The following ERBB4 variants were observed in gnomAD, a reference collection of about 807,000 sequenced individuals.
The protein encoded by ERBB4 is erb-b2 receptor tyrosine kinase 4.
ERBB4 carries 42 observed loss-of-function variants against 158.0 expected under a neutral mutation model. The ratio of observed to expected loss-of-function variants is 0.27; its 90% CI spans 0.21 to 0.34. The LOEUF (loss-of-function observed/expected upper bound fraction) is 0.34, where lower values mean the gene tolerates loss of function less well. Among genes scored for constraint, ERBB4 ranks in the 10% least tolerant of loss-of-function variants. The probability of loss-of-function intolerance (pLI) is 1.00; values close to 1 mark genes in which losing one functional copy is unlikely to be tolerated. For synonymous variants in ERBB4, 583 were observed against 558.7 expected, an observed-to-expected ratio of 1.04 and a Z score of -0.61; for missense variants, 1,333 against 1,624.1, an observed-to-expected ratio of 0.82 and a Z score of 3.08.
intron 1 of ERBB4, among the ~76,000 whole-genome samples, chr2:212,488,324 T>C (rs1476117949): frequency 8.7e-6 from 1 of 115,344 alleles, no homozygotes; most frequent in African/African-American, 4.1e-5. Context: ...CGCTCCTCTC[T>C]CTCTCTCTCT....
At chr2:212,418,452 A>G (rs940920553) in intron 1 of ERBB4, among the ~76,000 whole-genome samples, 1 of 151,554 alleles carries the variant, frequency 6.6e-6, no homozygotes, top group Non-Finnish European at 1.5e-5. Context: ...TCCACCTGCT[A>G]AGAGTCTAAA....
chr2:211,386,323 C>A (rs1424363535), intron 27 of ERBB4, among the ~76,000 whole-genome samples: 3 of 152,134 alleles, frequency 2.0e-5, no homozygotes, highest in East Asian at 1.9e-4. Context: ...CAGGGTCAAA[C>A]CTTTAATTTT....
chr2:211,464,928 C>G (rs776301615), intron 20 of ERBB4, among the ~76,000 whole-genome samples: 1 of 150,652 alleles, frequency 6.6e-6, no homozygotes, highest in African/African-American at 2.4e-5. Context: ...TAATGAGAGG[C>G]ATACAGGATA....
At chr2:211,823,988 G>A (rs1016920854) in intron 3 of ERBB4, among the ~76,000 whole-genome samples, 8 of 151,874 alleles carry the variant, frequency 5.3e-5, no homozygotes, top group East Asian at 1.9e-4. Context: ...AAATTATTAC[G>A]ACCAAGACCA....
chr2:211,987,330 C>CAAAAAAA (rs564412801), intron 2 of ERBB4, among the ~76,000 whole-genome samples: 18,412 of 55,162 alleles, frequency 0.33, 2,426 homozygotes, highest in East Asian at 0.6. Flanking sequence ...CAAGAAAAGA[C>CAAAAAAA]AAAAAAAAAA....
intron 17 of ERBB4, among the ~76,000 whole-genome samples, chr2:211,626,952 A>AT (rs2125864688): frequency 3.0e-5 from 1 of 33,202 alleles, no homozygotes; most frequent in African/African-American, 7.6e-5. Flanking sequence ...ATAAATAAAA[A>AT]AAATAAAAAA....
intron 1 of ERBB4, among the ~76,000 whole-genome samples, chr2:212,185,188 G>C (rs1197645457): frequency 6.6e-6 from 1 of 151,442 alleles, no homozygotes; most frequent in African/African-American, 2.4e-5. Context: ...ATTCAGCTAA[G>C]TTTTTGTATT....
At chr2:211,930,987 C>T (rs538830859) in intron 3 of ERBB4, among the ~76,000 whole-genome samples, 2 of 152,188 alleles carry the variant, frequency 1.3e-5, no homozygotes, top group East Asian at 3.9e-4. Flanking sequence ...TAGCTCTACT[C>T]AGCAGGGACA....
intron 1 of ERBB4, among the ~76,000 whole-genome samples, chr2:212,205,361 T>C (rs2082715545): frequency 6.6e-6 from 1 of 152,180 alleles, no homozygotes; most frequent in East Asian, 1.9e-4. Context: ...GGTTTCACCA[T>C]GTTGGCCCCA....
chr2:211,589,483 A>G (rs2068394823), intron 19 of ERBB4, among the ~76,000 whole-genome samples: 1 of 152,186 alleles, frequency 6.6e-6, no homozygotes, highest in Admixed American at 6.5e-5. Flanking sequence ...GTTCAAAACA[A>G]ATTTGTAGCC....
rs148109215 is a variant in ERBB4, at chr2:212,387,018, T to A, written c.82+151431A>T. Among the ~76,000 whole-genome samples, 25 of 152,214 alleles carry A rather than the reference T, an allele frequency of 1.6e-4. 1 individual carries two copies. In the East Asian group the frequency reaches 4.8e-3, roughly 29 times the overall value. On this transcript the variant is annotated intron_variant, in intron 1 of 27. Transcript: ENST00000342788. ...GAATGAATGAAGCTGATCCCTCATT[T>A]TGGAAGAAAGTGGGGTATTTTAACC...
chr2:212,376,477 A>AAGCTCTCTAGG (rs913982872), intron 1 of ERBB4, among the ~76,000 whole-genome samples: 2 of 152,034 alleles, frequency 1.3e-5, no homozygotes, highest in African/African-American at 4.8e-5. Flanking sequence ...TTGAGCAGAA[A>AAGCTCTCTAGG]AACATCTAGG....
chr2:211,926,824 T>A (rs2080031900), intron 3 of ERBB4, among the ~76,000 whole-genome samples: 1 of 152,152 alleles, frequency 6.6e-6, no homozygotes, highest in Non-Finnish European at 1.5e-5. Flanking sequence ...GGTTCTCCCC[T>A]CTTTGACCAG....
intron 7 of ERBB4, among the ~76,000 whole-genome samples, chr2:211,713,986 G>T (rs1054425099): frequency 6.6e-6 from 1 of 152,156 alleles, no homozygotes; most frequent in South Asian, 2.1e-4. Context: ...CATGACGCAA[G>T]TTTGAAGTCC....
Position 211,977,783 on chromosome 2 carries a change from C to T in ERBB4, c.235-30167G>A, listed in dbSNP as rs769644591. 2.1e-3 allele frequency among the ~76,000 whole-genome samples: 300 copies of T among 142,460 alleles called. 3 individuals are homozygous for T. Among genetic ancestry groups the T allele is most frequent in the African/African-American group, 7.3e-3 (284 of 38,914 alleles). The allele number at this position is 142,460 out of a possible 152,430, so 93.5% of individuals were successfully genotyped here. On this transcript the variant is annotated intron_variant, in intron 2 of 27. Coordinates refer to ENST00000342788, the MANE Select transcript of ERBB4 (RefSeq NM_005235.3). Reference sequence around the variant, plus strand: ...AGGAGAATCGCGTGAACCTGGGAGGCGGAGGTTGCACTGAGCCATTGCAAC... The same window carrying T: ...AGGAGAATCGCGTGAACCTGGGAGGTGGAGGTTGCACTGAGCCATTGCAAC...
At position 212,095,716 on chromosome 2, in the gene ERBB4, A is replaced by G. The variant is rs939942149; in HGVS notation, c.234+29036T>C. Among the ~76,000 whole-genome samples the G allele has an allele frequency of 4.6e-5, 7 of 152,192 alleles. 1 individual carries two copies. Among genetic ancestry groups the G allele is most frequent in the Middle Eastern group, 3.4e-3 (1 of 294 alleles). ...GGGAGGCCGAGGCGGGCGGATCACG[A>G]GGTCAGGAGATCGAGACCATCCTGG... On this transcript the variant is annotated intron_variant, in intron 2 of 27. Transcript: ENST00000342788.
intron 2 of ERBB4, among the ~76,000 whole-genome samples, chr2:211,966,846 A>G (rs1439153991): frequency 1.3e-5 from 2 of 152,142 alleles, no homozygotes; most frequent in African/African-American, 4.8e-5. Flanking sequence ...CCATGGAGAT[A>G]AGGTAAATTT....
intron 2 of ERBB4, among the ~76,000 whole-genome samples, chr2:211,966,236 A>ATAT (rs1046454336): frequency 1.3e-5 from 2 of 151,932 alleles, no homozygotes; most frequent in Admixed American, 6.6e-5. Context: ...AAGAATTTCA[A>ATAT]TATTATTATT....
intron 4 of ERBB4, among the ~76,000 whole-genome samples, chr2:211,758,730 G>A (rs1490118826): frequency 2.0e-5 from 3 of 152,202 alleles, no homozygotes; most frequent in South Asian, 4.1e-4. Context: ...GTGTCCAGAA[G>A]CATCTTTCAG....
Sources: allele counts gnomAD v4.1 joint callset (sites outside exome capture counted in the v4.1 genomes callset), GRCh38; gene constraint gnomAD v4.1.1; transcripts MANE v1.5; gene names NCBI Gene and HGNC (gene_info 2026-07-23, HGNC 2026-07-21).